Variants in GABRA2 observed in about 807,000 individuals in gnomAD.
The protein encoded by GABRA2 is gamma-aminobutyric acid receptor subunit alpha-2.
GABRA2 carries 16 observed loss-of-function variants against 48.7 expected under a neutral mutation model. The ratio of observed to expected loss-of-function variants is 0.33; its 90% CI spans 0.22 to 0.50. The LOEUF is 0.50. Among genes scored for constraint, GABRA2 ranks in the 20% least tolerant of loss-of-function variants. The pLI is 0.98. For synonymous variants in GABRA2, 185 were observed against 184.5 expected (o/e 1.00, Z -0.02); for missense variants, 275 against 535.6 (o/e 0.51, Z 4.80).
At chr4:46,299,916 C>T (rs979912125) in intron 8 of GABRA2, among the ~76,000 whole-genome samples, 1 of 151,686 alleles carries the variant, frequency 6.6e-6, no homozygotes, top group Admixed American at 6.6e-5. Context: ...CGTTTCTTTC[C>T]TCCTTAGAAA....
intron 3 of GABRA2, among the ~76,000 whole-genome samples, chr4:46,355,869 C>G (rs750672184): frequency 6.6e-6 from 1 of 152,140 alleles, no homozygotes; most frequent in Non-Finnish European, 1.5e-5. Flanking sequence ...TTTCTAACTA[C>G]ACACCTCATC....
chr4:46,282,277 C>G (rs972502942), intron 8 of GABRA2, among the ~76,000 whole-genome samples: 3 of 152,080 alleles, frequency 2.0e-5, no homozygotes, highest in Non-Finnish European at 4.4e-5. Flanking sequence ...CCAAGTCTTG[C>G]TAATAAGTGT....
chr4:46,352,001 T>C (rs1038795473), intron 3 of GABRA2, among the ~76,000 whole-genome samples: 2 of 148,902 alleles, frequency 1.3e-5, no homozygotes, highest in African/African-American at 2.5e-5. Flanking sequence ...GTCCACTTAC[T>C]TGTTCCTGCC....
chr4:46,360,526 A>C (rs2109955362), intron 3 of GABRA2, among the ~76,000 whole-genome samples: 1 of 152,364 alleles, frequency 6.6e-6, no homozygotes, highest in South Asian at 2.1e-4. Context: ...GGGAATAGTA[A>C]GCCCATTAAA....
chr4:46,250,495 C>T lies in GABRA2; in HGVS notation c.1169G>A (p.Ser390Asn), dbSNP rs1020432310. 6.2e-7 allele frequency: 1 copy of T among 1,611,814 alleles called. No homozygotes were observed. The highest frequency in any genetic ancestry group is 8.5e-7 in the Non-Finnish European group (1 of 1,178,624). ...KDPVLSTISK[S>N]ATTPEPNKKP... Reference sequence around the variant, plus strand: ...CTTGTTGGGTTCTGGCGTGGTTGCACTCTTGGAGATGGTGGAGAGAACTGG... The same window carrying T: ...CTTGTTGGGTTCTGGCGTGGTTGCATTCTTGGAGATGGTGGAGAGAACTGG... Residue 390 changes from serine (S) to asparagine (N), a missense_variant, in exon 10 of 10, where the codon AGT becomes AAT. This residue lies in a region of GABRA2 where 99 missense variants were observed against 124.3 expected (regional missense o/e 0.80). Transcript: ENST00000381620.
intron 5 of GABRA2, among the ~76,000 whole-genome samples, 189 bp from the exon 6 acceptor site, chr4:46,310,444 T>C (rs962565965): frequency 6.6e-6 from 1 of 152,196 alleles, no homozygotes; most frequent in East Asian, 1.9e-4. Flanking sequence ...ATACAAATTC[T>C]CAGTATAACT....
chr4:46,332,677 T>C lies in GABRA2; in HGVS notation c.193A>G (p.Ile65Val). The C allele has an allele frequency of 1.3e-6, 2 of 1,555,154 alleles. No homozygotes were observed. The highest frequency in any genetic ancestry group is 1.8e-6 in the Non-Finnish European group (2 of 1,126,704). The stretch of plus-strand genomic sequence containing the variant: ...TAGATGTTAGTGAAGACTTCAGTAA[T>C]ACTGTCTAATATGAGAAAAGAGATT... The part of the protein sequence containing the change: ...NRLRPGLGDS[I>V]TEVFTNIYVT... Residue 65 changes from isoleucine to valine, a missense_variant, in exon 4 of 10, where the codon ATT (isoleucine) becomes GTT (valine). Physicochemically the swap from Ile to Val is conservative, Grantham distance 29. This residue lies in a region of GABRA2 where 113 missense variants were observed against 257.1 expected (regional missense o/e 0.44). Coordinates refer to ENST00000381620, the MANE Select transcript of GABRA2 (RefSeq NM_000807.4).
intron 8 of GABRA2, among the ~76,000 whole-genome samples, chr4:46,285,035 A>C (rs1722278408): frequency 6.6e-6 from 1 of 151,414 alleles, no homozygotes; most frequent in Non-Finnish European, 1.5e-5. Context: ...TCAAAAAAAA[A>C]AAAAAAAAAA....
intron 8 of GABRA2, among the ~76,000 whole-genome samples, chr4:46,300,301 G>A (rs896579304): frequency 1.3e-5 from 2 of 151,732 alleles, no homozygotes; most frequent in Admixed American, 6.6e-5. Context: ...GTATGGATCT[G>A]TGTGTGTGTG....
At chr4:46,276,113 A>C (rs1384217426) in intron 8 of GABRA2, among the ~76,000 whole-genome samples, 2 of 152,174 alleles carry the variant, frequency 1.3e-5, no homozygotes, top group African/African-American at 2.4e-5. Flanking sequence ...CAAAGAAAAC[A>C]AGAACAAAAA....
intron 8 of GABRA2, among the ~76,000 whole-genome samples, chr4:46,274,482 A>T (rs890819893): frequency 6.6e-6 from 1 of 152,074 alleles, no homozygotes; most frequent in African/African-American, 2.4e-5. Context: ...AAAGTGTTTA[A>T]ATTGCTTGAG....
chr4:46,244,535 A>G lies in GABRA2; in HGVS notation c.*5773T>C, dbSNP rs930321327. On this transcript the variant is annotated 3_prime_UTR_variant, in exon 10 of 10. Coordinates refer to ENST00000381620, the MANE Select transcript of GABRA2 (RefSeq NM_000807.4). ...CCACCGGTGGCATCCCTTGGGATCA[A>G]TTCAGGCGTCATTCTATAAACGGTA... Among the ~76,000 whole-genome samples the G allele has an allele frequency of 6.6e-6, 1 of 151,520 alleles. No homozygotes were observed. The highest frequency in any genetic ancestry group is 1.5e-5 in the Non-Finnish European group (1 of 67,636).
At chr4:46,299,397 G>T (rs1232044178) in intron 8 of GABRA2, among the ~76,000 whole-genome samples, 1 of 151,466 alleles carries the variant, frequency 6.6e-6, no homozygotes, top group Non-Finnish European at 1.5e-5. Flanking sequence ...ATCAAATGTG[G>T]TCTGCAAAAC....
intron 3 of GABRA2, among the ~76,000 whole-genome samples, chr4:46,337,288 C>T (rs1732411993): frequency 6.6e-6 from 1 of 152,082 alleles, no homozygotes; most frequent in Admixed American, 6.6e-5. Flanking sequence ...TGAGCATCCT[C>T]TAATCCAACA....
chr4:46,287,785 TA>T (rs757116936), intron 8 of GABRA2, among the ~76,000 whole-genome samples: 42 of 150,412 alleles, frequency 2.8e-4, no homozygotes, highest in African/African-American at 6.8e-4. Context: ...ATAATAATAA[TA>T]AAAAAAAAGA....
rs200609108 is a variant in GABRA2 at position 46,250,101 on chromosome 4, G to A, written c.*207C>T. On this transcript the variant is annotated 3_prime_UTR_variant, in exon 10 of 10. Coordinates refer to ENST00000381620, the MANE Select transcript of GABRA2 (RefSeq NM_000807.4). ...AGGGTAAATCTTTAAAAAAGGCAAT[G>A]GCTGTTTTCGCATGGAGTGCTTTCT... 8.1e-6 allele frequency: 4 copies of A among 492,922 alleles called. No individual in the cohort carries two copies. The highest frequency in any genetic ancestry group is 1.1e-5 in the Non-Finnish European group (3 of 277,974). 30.5% of individuals were successfully genotyped at this position (492,922 alleles called of 1,614,324 possible).
intron 4 of GABRA2, 85 bp downstream of exon 4, chr4:46,332,530 A>C: frequency 2.5e-6 from 2 of 788,854 alleles, no homozygotes; most frequent in East Asian, 4.9e-5. Flanking sequence ...ACATAATTCT[A>C]TAACACTAAA....
At chr4:46,377,946 C>T (rs1578224466) in intron 3 of GABRA2, among the ~76,000 whole-genome samples, 1 of 150,752 alleles carries the variant, frequency 6.6e-6, no homozygotes, top group East Asian at 2.0e-4. Flanking sequence ...AAGTGAGGAG[C>T]CCCTCTGCCC....
In GABRA2 at chr4:46,249,974, CA is replaced by C; in HGVS notation, c.*333del. ...AAATACCCCTACTTAAGAGCTAAAC[CA>C]AAAGGGTCCACAAAGGGTTGTACAG... On this transcript the variant is annotated 3_prime_UTR_variant, in exon 10 of 10. Coordinates refer to ENST00000381620, the MANE Select transcript of GABRA2 (RefSeq NM_000807.4). 1 of 200,832 alleles carries C rather than the reference CA, an allele frequency of 5.0e-6. No individual in the cohort carries two copies. The highest frequency in any genetic ancestry group is 1.0e-5 in the Non-Finnish European group (1 of 99,008). The allele number at this position is 200,832 out of a possible 1,614,324, so 12.4% of individuals were successfully genotyped here.
Sources: allele counts gnomAD v4.1 joint callset (sites outside exome capture counted in the v4.1 genomes callset), GRCh38; gene constraint gnomAD v4.1.1; regional missense constraint gnomAD v4.1.1; transcripts MANE v1.5; gene names NCBI Gene and HGNC (gene_info 2026-07-23, HGNC 2026-07-21).